Variants in LGALS3BP observed in about 807,000 individuals in gnomAD.
LGALS3BP encodes the protein galectin-3-binding protein.
Under a neutral mutation model 22.9 loss-of-function variants are expected in LGALS3BP, and 25 were observed. The ratio of observed to expected loss-of-function variants is 1.09; its 90% CI spans 0.80 to 1.53. LGALS3BP has a LOEUF of 1.53. LGALS3BP is among the 40% of genes most tolerant of loss of function. The pLI is 0.00. For missense variants in LGALS3BP, 718 were observed against 752.0 expected (o/e 0.95, Z 0.53); for synonymous variants, 335 against 331.1 (o/e 1.01, Z -0.13).
In LGALS3BP at chr17:78,971,804, G is replaced by A. The variant is rs752934871; in HGVS notation, c.1530C>T (p.Gly510=). ...CGTAGGCAATGGTGCGATCTGAGCC[G>A]CCAGACTTGGTGAGGCCCAGGACAG... The part of the protein sequence containing the change: ...ELPVLGLTKS[G]GSDRTIAYEN... Residue 510 remains glycine (G), a synonymous_variant, in exon 6 of 6, where the codon GGC becomes GGT. Transcript: ENST00000262776. This position sits in a 1 kb window ranked among gnomAD's most constrained non-coding sequence, Gnocchi z 5.6. 23 of 1,613,962 alleles carry A rather than the reference G, an allele frequency of 1.4e-5. No individual in the cohort carries two copies. The highest frequency in any genetic ancestry group is 1.7e-5 in the Non-Finnish European group (20 of 1,180,040).
chr17:78,977,287 A>C, intron 1 of LGALS3BP, 73 bp from the exon 2 acceptor site: 1 of 1,280,840 alleles, frequency 7.8e-7, no homozygotes, highest in Admixed American at 1.9e-5. Flanking sequence ...TGGCCTGCCC[A>C]TTCACCCTTC....
rs777303945 is a variant in LGALS3BP at position 78,972,759 on chromosome 17, TG to T, written c.630-56del. Reference sequence around the variant, plus strand: ...GCCCCACAGGACAGCAGGGGAGCCCTGGGCCCAACTGTCCAACACAGCCACC... The same window carrying T: ...GCCCCACAGGACAGCAGGGGAGCCCTGGCCCAACTGTCCAACACAGCCACC... On this transcript the variant is annotated intron_variant, in intron 5 of 5. Transcript: ENST00000262776. The surrounding 1 kb of genome is among the most constrained non-coding windows in gnomAD (Gnocchi z 5.1). 44 of 1,505,950 alleles carry T rather than the reference TG, an allele frequency of 2.9e-5. 1 individual carries two copies. Among genetic ancestry groups the T allele is most frequent in the Non-Finnish European group, 3.8e-5 (43 of 1,128,286 alleles). The allele number at this position is 1,505,950 out of a possible 1,614,324, so 93.3% of individuals were successfully genotyped here.
chr17:78,976,149 G>A lies in LGALS3BP; in HGVS notation c.60C>T (p.Asn20=), dbSNP rs11548454. The change falls in exon 3 of 6, where the codon AAC becomes AAT. Residue 20 remains asparagine (N), a synonymous_variant. Transcript: ENST00000262776. The surrounding 1 kb of genome is among the most constrained non-coding windows in gnomAD (Gnocchi z 4.6). ...WLLVAGTQGV[N]DGDMRLADGG... is the part of the protein sequence containing the mutation. ...CATCGGCCAGCCGCATGTCACCATC[G>A]TTCACGCCTGCAGGCAGAGACCAGC... 0.022 allele frequency: 34,728 copies of A among 1,576,154 alleles called. 461 individuals are homozygous for A. The highest frequency in any genetic ancestry group is 0.049 in the African/African-American group (3,656 of 74,118).
chr17:78,979,640 A>T (rs1288892026), intron 1 of LGALS3BP, 184 bp downstream of exon 1: 1 of 152,342 alleles, frequency 6.6e-6, no homozygotes, highest in Non-Finnish European at 1.5e-5. Flanking sequence ...AATCCCAGCT[A>T]CTTGGGAGGC....
intron 3 of LGALS3BP, among the ~76,000 whole-genome samples, chr17:78,975,690 G>A (rs568542932): frequency 6.7e-6 from 1 of 149,560 alleles, no homozygotes; most frequent in Non-Finnish European, 1.5e-5. Context: ...TACTCAGAAG[G>A]CTGAGACAGG....
rs1245118154 is a variant in LGALS3BP, at chr17:78,973,049, C to T, written c.550G>A (p.Ala184Thr). Residue 184 changes from alanine (A) to threonine (T), a missense_variant, in exon 5 of 6, where the codon GCC (alanine) becomes ACC (threonine). Coordinates refer to ENST00000262776, the MANE Select transcript of LGALS3BP (RefSeq NM_005567.4). This position sits in a 1 kb window ranked among gnomAD's most constrained non-coding sequence, Gnocchi z 5.8. ...VILTANLEAQ[A>T]LWKEPGSNVT... ...TTGCTGCCCGGCTCCTTCCACAGGGCCTGGGCCTCCAGGTTGGCAGTCAGG... is the reference window on the plus strand; with the variant it reads ...TTGCTGCCCGGCTCCTTCCACAGGGTCTGGGCCTCCAGGTTGGCAGTCAGG... 2 of 1,613,862 alleles carry T rather than the reference C, an allele frequency of 1.2e-6. No homozygotes were observed. The highest frequency in any genetic ancestry group is 4.5e-5 in the East Asian group (2 of 44,874).
At chr17:78,974,914 G>C in intron 3 of LGALS3BP, 95 bp from the exon 4 acceptor site, 2 of 1,505,148 alleles carry the variant, frequency 1.3e-6, no homozygotes, top group Non-Finnish European at 1.8e-6. Flanking sequence ...CCCCGGCCGT[G>C]TGGGTCCATC....
chr17:78,974,059 G>T lies in LGALS3BP; in HGVS notation c.376+629C>A, dbSNP rs546591418. 2.9e-4 allele frequency among the ~76,000 whole-genome samples: 44 copies of T among 152,374 alleles called. No homozygotes were observed. The South Asian group carries it at 8.9e-3, about 31-fold the overall frequency. On this transcript the variant is annotated intron_variant, in intron 4 of 5. Coordinates refer to ENST00000262776, the MANE Select transcript of LGALS3BP (RefSeq NM_005567.4). ...AGTCCAGGCTCAGCTCCAGCCACTT[G>T]TCCATCCCATGTGGGCACAGGGGCT...
chr17:78,975,335 T>G (rs539611896), intron 3 of LGALS3BP, among the ~76,000 whole-genome samples: 1 of 152,180 alleles, frequency 6.6e-6, no homozygotes. Flanking sequence ...ACTTTTCTTT[T>G]GAGGAGAAAT....
In LGALS3BP at chr17:78,971,643, C is replaced by A. The variant is rs758803666; in HGVS notation, c.1691G>T (p.Gly564Val). The change falls in exon 6 of 6, where the codon GGG becomes GTG. Residue 564 changes from glycine to valine, a missense_variant. Transcript: ENST00000262776. The surrounding 1 kb of genome is among the most constrained non-coding windows in gnomAD (Gnocchi z 5.6). ...KSTSSFPCPA[G>V]HFNGFRTVIR... Reference sequence around the variant, plus strand: ...GACCGTGCGGAAGCCGTTGAAGTGCCCTGCCGGGCAGGGGAAGGAGGAGGT... The same window carrying A: ...GACCGTGCGGAAGCCGTTGAAGTGCACTGCCGGGCAGGGGAAGGAGGAGGT... 1.9e-6 allele frequency: 3 copies of A among 1,613,800 alleles called. No individual in the cohort carries two copies. The highest frequency in any genetic ancestry group is 2.2e-5 in the East Asian group (1 of 44,868).
intron 1 of LGALS3BP, chr17:78,979,432 T>G (rs1171504248): frequency 6.6e-6 from 1 of 152,282 alleles, no homozygotes; most frequent in Non-Finnish European, 1.5e-5. Context: ...CAGGGAGGCA[T>G]GACCCCCACT....
chr17:78,974,920 C>G (rs1355172215), intron 3 of LGALS3BP, 101 bp from the exon 4 acceptor site: 1 of 1,465,322 alleles, frequency 6.8e-7, no homozygotes, highest in Non-Finnish European at 9.2e-7. Context: ...CCGTGTGGGT[C>G]CATCTGCTTA....
intron 4 of LGALS3BP, 62 bp downstream of exon 4, chr17:78,974,626 G>T: frequency 1.3e-6 from 2 of 1,560,100 alleles, no homozygotes; most frequent in Non-Finnish European, 1.7e-6. Context: ...GCTGGGAGGG[G>T]CAGGGGCCAC....
intron 1 of LGALS3BP, chr17:78,977,468 C>T (rs1456107293): frequency 2.1e-5 from 9 of 419,636 alleles, no homozygotes; most frequent in Non-Finnish European, 3.4e-5. Context: ...GGGCTGGGGG[C>T]ACCCCCTGGC....
At chr17:78,978,667 G>A (rs932877333) in intron 1 of LGALS3BP, among the ~76,000 whole-genome samples, 2 of 152,178 alleles carry the variant, frequency 1.3e-5, no homozygotes, top group East Asian at 3.9e-4. Flanking sequence ...TCCCAGGCAC[G>A]CCGGTATGGG....
At chr17:78,977,736 G>C (rs1408166608) in intron 1 of LGALS3BP, among the ~76,000 whole-genome samples, 1 of 152,182 alleles carries the variant, frequency 6.6e-6, no homozygotes, top group African/African-American at 2.4e-5. Flanking sequence ...GAGGGGACTC[G>C]TCAGGAGAGG....
intron 1 of LGALS3BP, among the ~76,000 whole-genome samples, chr17:78,978,629 T>C (rs1340587609): frequency 1.3e-5 from 2 of 152,138 alleles, no homozygotes; most frequent in Non-Finnish European, 2.9e-5. Flanking sequence ...AGCACTGAAG[T>C]TTCCCTGTGT....
At position 78,976,282 on chromosome 17, in the gene LGALS3BP, G is replaced by A; in HGVS notation, c.53-126C>T. Reference sequence around the variant, plus strand: ...GTATTTCAGGGCTTCAAGGTCCCCTGGCCTCTCCATGAGGGGCACCTCCAT... The same window carrying A: ...GTATTTCAGGGCTTCAAGGTCCCCTAGCCTCTCCATGAGGGGCACCTCCAT... On this transcript the variant is annotated intron_variant, in intron 2 of 5. Coordinates refer to ENST00000262776, the MANE Select transcript of LGALS3BP (RefSeq NM_005567.4). This position sits in a 1 kb window ranked among gnomAD's most constrained non-coding sequence, Gnocchi z 4.6. The A allele has an allele frequency of 1.2e-6, 1 of 827,274 alleles. No individual in the cohort carries two copies. The allele number at this position is 827,274 out of a possible 1,614,324, so 51.2% of individuals were successfully genotyped here. A position where few individuals can be genotyped will look rare whatever the true frequency, so the allele number is the denominator to read the frequency against.
chr17:78,973,120 T>A lies in LGALS3BP; in HGVS notation c.479A>T (p.Asn160Ile), dbSNP rs148218719. Reference sequence around the variant, plus strand: ...GCCCAGGGCGTCCTCGCCCTGCACATTCACGCTGATGGACAGGTCGCAGCC... The same window carrying A: ...GCCCAGGGCGTCCTCGCCCTGCACAATCACGCTGATGGACAGGTCGCAGCC... ...QRGCDLSISV[N>I]VQGEDALGFC... Residue 160 changes from asparagine (N) to isoleucine (I), a missense_variant, in exon 5 of 6, where the codon AAT becomes ATT. Transcript: ENST00000262776. This position sits in a 1 kb window ranked among gnomAD's most constrained non-coding sequence, Gnocchi z 5.8. 6.2e-7 allele frequency: 1 copy of A among 1,613,378 alleles called. No individual in the cohort carries two copies. Among genetic ancestry groups the A allele is most frequent in the East Asian group, 2.2e-5 (1 of 44,862 alleles).
Sources: allele counts gnomAD v4.1 joint callset (sites outside exome capture counted in the v4.1 genomes callset), GRCh38; gene constraint gnomAD v4.1.1; non-coding constraint Gnocchi (gnomAD v3.1); transcripts MANE v1.5; gene names NCBI Gene and HGNC (gene_info 2026-07-23, HGNC 2026-07-21).